Variants in SLC12A7 observed in about 807,000 individuals in gnomAD.
SLC12A7 encodes the protein solute carrier family 12 member 7, also known as K-Cl cotransporter 4.
SLC12A7 carries 100 observed loss-of-function variants against 120.6 expected under a neutral mutation model. The observed-to-expected ratio is 0.83, with a 90% CI of 0.71 to 0.98. The LOEUF (loss-of-function observed/expected upper bound fraction) is 0.98, where lower values mean the gene tolerates loss of function less well. Ranked by LOEUF, SLC12A7 falls within the 50% of genes least tolerant of loss-of-function variation. The pLI is 0.00. For missense variants in SLC12A7, 1,373 were observed against 1,548.1 expected (o/e 0.89, Z 1.90); for synonymous variants, 760 against 678.0 (o/e 1.12, Z -1.88).
the SLC12A7 span, among the ~76,000 whole-genome samples, chr5:1,136,182 C>T: frequency 2.6e-5 from 4 of 152,154 alleles, no homozygotes; most frequent in Non-Finnish European, 4.4e-5. Context: ...CACTGCTGTG[C>T]GGCTTTGTCC....
rs1737964355 is a variant in SLC12A7, at chr5:1,073,623, C to A, written c.2241+10G>T. 6.3e-7 allele frequency: 1 copy of A among 1,597,824 alleles called. No homozygotes were observed. Among genetic ancestry groups the A allele is most frequent in the Non-Finnish European group, 8.5e-7 (1 of 1,173,716 alleles). On this transcript the variant is annotated intron_variant, in intron 17 of 23. Transcript: ENST00000264930. ...AAAGAGGCCTGGCCCCCAGACCCCGCCCGGCCCACCTCCTCGGCCCGCTGA... is the reference window on the plus strand; with the variant it reads ...AAAGAGGCCTGGCCCCCAGACCCCGACCGGCCCACCTCCTCGGCCCGCTGA...
the SLC12A7 span, among the ~76,000 whole-genome samples, chr5:1,124,885 C>T: frequency 1.3e-5 from 2 of 152,162 alleles, no homozygotes; most frequent in Non-Finnish European, 2.9e-5. Context: ...CCTCAAATCT[C>T]ACACCCTGAT....
At chr5:1,135,783 C>CA in the SLC12A7 span, among the ~76,000 whole-genome samples, 1 of 152,210 alleles carries the variant, frequency 6.6e-6, no homozygotes, top group Non-Finnish European at 1.5e-5. Context: ...CAGGAACACA[C>CA]CAGGTCTCTT....
chr5:1,067,405 TGTGGCTATTTCAGCAAAG>T lies in SLC12A7; in HGVS notation c.2242-1945_2242-1928del, dbSNP rs567925941. The stretch of plus-strand genomic sequence containing the variant: ...CGTCATGTGGGAAGAAGGCAGGAAG[TGTGGCTATTTCAGCAAAG>T]GCCACACAGCAGCCCCTTTATGCGG... On this transcript the variant is annotated intron_variant, in intron 17 of 23. Coordinates refer to ENST00000264930, the MANE Select transcript of SLC12A7 (RefSeq NM_006598.3). Among the ~76,000 whole-genome samples the T allele has an allele frequency of 3.4e-3, 524 of 152,296 alleles. 3 individuals carry two copies. The highest frequency in any genetic ancestry group is 0.011 in the African/African-American group (464 of 41,552).
intron 9 of SLC12A7, among the ~76,000 whole-genome samples, chr5:1,080,987 GAGAGAGAGAC>G (rs1739000219): frequency 7.8e-6 from 1 of 127,608 alleles, no homozygotes; most frequent in Non-Finnish European, 1.9e-5. Flanking sequence ...ACACACTACA[GAGAGAGAGAC>G]AGAGAGAGAG....
chr5:1,108,019 A>AACACACACACACAC (rs1288843782), intron 1 of SLC12A7, among the ~76,000 whole-genome samples: 7 of 41,394 alleles, frequency 1.7e-4, no homozygotes, highest in African/African-American at 1.0e-3. Flanking sequence ...ACAGCATACA[A>AACACACACACACAC]ACACACACAT....
intron 1 of SLC12A7, among the ~76,000 whole-genome samples, chr5:1,106,608 C>T (rs1742552028): frequency 6.6e-6 from 1 of 152,226 alleles, no homozygotes; most frequent in African/African-American, 2.4e-5. Flanking sequence ...CCTGGGCTGA[C>T]CTCCACTCCC....
chr5:1,083,484 T>C (rs1193605376), intron 8 of SLC12A7, among the ~76,000 whole-genome samples: 1 of 152,198 alleles, frequency 6.6e-6, no homozygotes, highest in Non-Finnish European at 1.5e-5. Flanking sequence ...CAGGAGGTCA[T>C]GAAAATAAAT....
At chr5:1,080,928 A>G (rs1157860097) in intron 9 of SLC12A7, among the ~76,000 whole-genome samples, 1 of 152,204 alleles carries the variant, frequency 6.6e-6, no homozygotes, top group Non-Finnish European at 1.5e-5. Flanking sequence ...CAGAGACCTC[A>G]GCCACTTCCC....
the SLC12A7 span, among the ~76,000 whole-genome samples, chr5:1,132,033 AC>A: frequency 1.3e-5 from 2 of 152,210 alleles, no homozygotes; most frequent in Non-Finnish European, 2.9e-5. Context: ...ACAAGGTGAG[AC>A]GGGACGACCG....
chr5:1,075,475 C>T lies in SLC12A7; in HGVS notation c.1863G>A (p.Leu621=). The change falls in exon 15 of 24, where the codon CTG becomes CTA. Residue 621 remains leucine (L), a synonymous_variant. Coordinates refer to ENST00000264930, the MANE Select transcript of SLC12A7 (RefSeq NM_006598.3). The stretch of plus-strand genomic sequence containing the variant: ...TCAGCGCCAGGCACAGGCTCATACC[C>T]AGAAAGGACAGGGTCCTGGGGGCGG... ...FKFYHWTLSF[L]GMSLCLALMF... 1 of 1,611,650 alleles carries T rather than the reference C, an allele frequency of 6.2e-7. No homozygotes were observed. The highest frequency in any genetic ancestry group is 8.5e-7 in the Non-Finnish European group (1 of 1,178,978).
chr5:1,080,550 G>A (rs1233999997), intron 9 of SLC12A7, among the ~76,000 whole-genome samples: 1 of 152,038 alleles, frequency 6.6e-6, no homozygotes, highest in African/African-American at 2.4e-5. Context: ...AGACGTGGGA[G>A]GGACCAGAAG....
Position 1,053,127 on chromosome 5 carries a change from G to A in SLC12A7, c.3160+222C>T, listed in dbSNP as rs557528469. On this transcript the variant is annotated intron_variant, in intron 23 of 23. Coordinates refer to ENST00000264930, the MANE Select transcript of SLC12A7 (RefSeq NM_006598.3). ...GGACAGTGGGGCTGGTACTGTAGGCGGGCCCTCCCTCCCCCACACCAATGC... is the reference window on the plus strand; with the variant it reads ...GGACAGTGGGGCTGGTACTGTAGGCAGGCCCTCCCTCCCCCACACCAATGC... 3.7e-4 allele frequency among the ~76,000 whole-genome samples: 57 copies of A among 152,298 alleles called. 2 individuals are homozygous for A. The South Asian group carries it at 0.01, about 27-fold the overall frequency.
rs917440531 is a variant in SLC12A7 at position 1,051,233 on chromosome 5, G to A, written c.*1127C>T. ...ATGCAAGGCACAGGCCATGGCAGGG[G>A]ACGCCCGGGACTCAGCCAGACAGAC... On this transcript the variant is annotated 3_prime_UTR_variant, in exon 24 of 24. Transcript: ENST00000264930. The A allele has an allele frequency of 1.7e-5, 5 of 292,762 alleles. No homozygotes were observed. In the South Asian group the frequency reaches 5.0e-4, roughly 29 times the overall value. The allele number at this position is 292,762 out of a possible 1,614,324, so 18.1% of individuals were successfully genotyped here.
the SLC12A7 span, among the ~76,000 whole-genome samples, chr5:1,150,202 G>A: frequency 8.5e-5 from 13 of 152,098 alleles, no homozygotes; most frequent in East Asian, 1.9e-4. Context: ...CTCCCATCCC[G>A]GGAGCTGTTC....
In SLC12A7 at chr5:1,082,466, A is replaced by C. The variant is rs1238224970; in HGVS notation, c.1130-722T>G. On this transcript the variant is annotated intron_variant, in intron 8 of 23. Coordinates refer to ENST00000264930, the MANE Select transcript of SLC12A7 (RefSeq NM_006598.3). ...TCTGGAAAGCCTGGGCTTCCTCTCT[A>C]GGGTTCTGGAAAGTCCGGGCTTCCC... 4.8e-5 allele frequency among the ~76,000 whole-genome samples: 5 copies of C among 104,816 alleles called. No individual in the cohort carries two copies. In the South Asian group the frequency reaches 1.4e-3, roughly 29 times the overall value. 68.8% of individuals were successfully genotyped at this position (104,816 alleles called of 152,430 possible).
At chr5:1,146,604 C>G in the SLC12A7 span, among the ~76,000 whole-genome samples, 1 of 152,312 alleles carries the variant, frequency 6.6e-6, no homozygotes, top group African/African-American at 2.4e-5. The surrounding 1 kb of genome is among the most constrained non-coding windows in gnomAD (Gnocchi z 6.5). Flanking sequence ...TCATGCCGCC[C>G]TCCTCCCTTT....
At chr5:1,103,536 C>T (rs545203177) in intron 1 of SLC12A7, among the ~76,000 whole-genome samples, 4 of 152,236 alleles carry the variant, frequency 2.6e-5, no homozygotes, top group Non-Finnish European at 5.9e-5. Context: ...CATACTCACA[C>T]GCTTCCCCCC....
chr5:1,130,356 G>C, the SLC12A7 span, among the ~76,000 whole-genome samples: 1 of 152,186 alleles, frequency 6.6e-6, no homozygotes, highest in Non-Finnish European at 1.5e-5. Context: ...GGAGGACCCA[G>C]GGTGCACCTG....
Sources: gnomAD v4.1 joint callset for allele counts (sites outside exome capture counted in the v4.1 genomes callset) on GRCh38, gnomAD v4.1.1 for gene constraint, Gnocchi (gnomAD v3.1) non-coding constraint, MANE v1.5 for transcripts, NCBI Gene and HGNC (gene_info 2026-07-23, HGNC 2026-07-21) for gene names.